HDAC4: variants seen among roughly 807,000 people sequenced by gnomAD.
The protein encoded by HDAC4 is histone deacetylase 4.
In HDAC4, 16 loss-of-function variants were observed where a neutral mutation model predicts 135.1. That is an observed-to-expected ratio of 0.12 (90% CI 0.08 to 0.18). The LOEUF (loss-of-function observed/expected upper bound fraction) is 0.18. Ranked by LOEUF, HDAC4 falls within the 10% of genes least tolerant of loss-of-function variation. The pLI is 1.00. For missense variants in HDAC4, 1,143 were observed against 1,511.8 expected (o/e 0.76, Z 4.05); for synonymous variants, 685 against 653.4 (o/e 1.05, Z -0.74).
At chr2:239,194,561 T>G (rs918414267) in intron 3 of HDAC4, among the ~76,000 whole-genome samples, 1 of 152,184 alleles carries the variant, frequency 6.6e-6, no homozygotes, top group Admixed American at 6.5e-5. Context: ...TTCCACCACC[T>G]GTGAAACAGC....
intron 3 of HDAC4, among the ~76,000 whole-genome samples, chr2:239,202,107 C>T (rs1244206005): frequency 2.0e-5 from 3 of 152,232 alleles, no homozygotes; most frequent in South Asian, 4.1e-4. Flanking sequence ...AGAAGGCGAG[C>T]GGGTGCTGCT....
At chr2:239,082,850 G>A (rs1455053798) in intron 20 of HDAC4, among the ~76,000 whole-genome samples, 8 of 152,234 alleles carry the variant, frequency 5.3e-5, no homozygotes, top group South Asian at 4.1e-4. Flanking sequence ...TTTACTGACC[G>A]TGGCTGTTCT....
intron 3 of HDAC4, among the ~76,000 whole-genome samples, chr2:239,223,828 G>A (rs1200453898): frequency 2.0e-5 from 3 of 151,440 alleles, no homozygotes; most frequent in African/African-American, 4.9e-5. Context: ...GGTAGAAGAT[G>A]CATGCCAGCA....
At chr2:239,124,933 C>A (rs918145146) in intron 12 of HDAC4, among the ~76,000 whole-genome samples, 1 of 80,058 alleles carries the variant, frequency 1.2e-5, no homozygotes, top group African/African-American at 3.9e-5. Flanking sequence ...CGTGTGGCTG[C>A]GTTATATGAC....
intron 1 of HDAC4, among the ~76,000 whole-genome samples, chr2:239,360,857 T>C (rs114525586): frequency 2.4e-3 from 367 of 152,142 alleles, no homozygotes; most frequent in Non-Finnish European, 3.6e-3. Flanking sequence ...TGGGTTGGAG[T>C]TCATCGGCAT....
At chr2:239,327,222 C>A (rs1191825596) in intron 2 of HDAC4, among the ~76,000 whole-genome samples, 1 of 152,246 alleles carries the variant, frequency 6.6e-6, no homozygotes, top group Non-Finnish European at 1.5e-5. Flanking sequence ...GGGAGCCTAG[C>A]CGTACCCACC....
At chr2:239,073,779 A>C (rs1207535614) in intron 22 of HDAC4, among the ~76,000 whole-genome samples, 1 of 151,914 alleles carries the variant, frequency 6.6e-6, no homozygotes, top group Non-Finnish European at 1.5e-5. Context: ...CAGGGCTGGG[A>C]GGGGAGAAAT....
At chr2:239,134,862 G>A (rs187688755) in intron 9 of HDAC4, among the ~76,000 whole-genome samples, 484 of 152,324 alleles carry the variant, frequency 3.2e-3, no homozygotes, top group Non-Finnish European at 5.9e-3. Context: ...CCCGATACGA[G>A]TTCTTCTTCT....
At chr2:239,332,884 C>T (rs1002415197) in intron 2 of HDAC4, among the ~76,000 whole-genome samples, 3 of 148,724 alleles carry the variant, frequency 2.0e-5, no homozygotes, top group African/African-American at 7.3e-5. Context: ...GGGGATGACA[C>T]TACAAATCCT....
chr2:239,383,772 G>A (rs903695472), intron 1 of HDAC4, among the ~76,000 whole-genome samples: 10 of 152,184 alleles, frequency 6.6e-5, no homozygotes, highest in African/African-American at 1.2e-4. Context: ...AACGATGGCC[G>A]GGGCAGGAAT....
rs768594353 is a variant in HDAC4, at chr2:239,066,839, C to T, written c.2886G>A (p.Thr962=). 63 of 1,613,440 alleles carry T rather than the reference C, an allele frequency of 3.9e-5. No homozygotes were observed. The highest frequency in any genetic ancestry group is 1.3e-4 in the Admixed American group (8 of 60,006). ...CGCCAGCCAGGCCCATCAGCTGCTT[C>T]GTCAGGTACCCGAAGCCTGCAACGG... ...NLSARCFGYL[T]KQLMGLAGGR... Residue 962 remains threonine (T), a synonymous_variant, in exon 24 of 27, where the codon ACG becomes ACA. Coordinates refer to ENST00000543185, the MANE Select transcript of HDAC4 (RefSeq NM_001378414.1).
In HDAC4 at chr2:239,068,709, A is replaced by ACC; in HGVS notation, c.2751-104_2751-103dup. The ACC allele has an allele frequency of 9.8e-7, 1 of 1,016,026 alleles. No homozygotes were observed. Among genetic ancestry groups the ACC allele is most frequent in the South Asian group, 1.3e-5 (1 of 78,470 alleles). The allele number at this position is 1,016,026 out of a possible 1,614,324, so 62.9% of individuals were successfully genotyped here. A position where few individuals can be genotyped will look rare whatever the true frequency, so the allele number is the denominator to read the frequency against. ...CTGGCATTGATAATGCCTGCCCCGC[A>ACC]CCCCCTCGGCCACTGGCGGGCTGAG... On this transcript the variant is annotated intron_variant, in intron 22 of 26. Coordinates refer to ENST00000543185, the MANE Select transcript of HDAC4 (RefSeq NM_001378414.1). The surrounding 1 kb of genome is among the most constrained non-coding windows in gnomAD (Gnocchi z 4.4).
At chr2:239,094,107 C>T in intron 17 of HDAC4, 4 of 985,426 alleles carry the variant, frequency 4.1e-6, no homozygotes, top group African/African-American at 1.7e-5. Context: ...TCGGCTGCAG[C>T]GGCTCCTGCT....
At chr2:239,082,759 CT>C (rs2035467815) in intron 20 of HDAC4, among the ~76,000 whole-genome samples, 1 of 152,260 alleles carries the variant, frequency 6.6e-6, no homozygotes, top group Non-Finnish European at 1.5e-5. Context: ...GTCCAGGCCC[CT>C]GTGCCCAAAT....
At chr2:239,193,762 C>T in intron 3 of HDAC4, among the ~76,000 whole-genome samples, 1 of 152,256 alleles carries the variant, frequency 6.6e-6, no homozygotes, top group East Asian at 1.9e-4. Flanking sequence ...AGGCTCTGCA[C>T]ACCCAAGGTT....
At chr2:239,070,997 AAAG>A (rs1476390946) in intron 22 of HDAC4, among the ~76,000 whole-genome samples, 1 of 151,946 alleles carries the variant, frequency 6.6e-6, no homozygotes, top group African/African-American at 2.4e-5. Context: ...TAAGATTAGG[AAAG>A]AAGAAGCAGC....
intron 2 of HDAC4, among the ~76,000 whole-genome samples, chr2:239,327,591 G>A (rs544630988): frequency 2.6e-5 from 4 of 152,310 alleles, no homozygotes; most frequent in South Asian, 2.1e-4. Flanking sequence ...AAAACAAGTC[G>A]AAACTGCAAT....
At chr2:239,187,555 A>G (rs1205830786) in intron 4 of HDAC4, among the ~76,000 whole-genome samples, 1 of 152,180 alleles carries the variant, frequency 6.6e-6, no homozygotes, top group Non-Finnish European at 1.5e-5. Flanking sequence ...AGCCAGCTTG[A>G]AAACTCTTCT....
At chr2:239,378,613 C>CG (rs1451216950) in intron 1 of HDAC4, among the ~76,000 whole-genome samples, 2 of 151,956 alleles carry the variant, frequency 1.3e-5, no homozygotes, top group Non-Finnish European at 2.9e-5. Context: ...GAAACGGCCC[C>CG]GGGAACCAAG....
Sources: allele counts gnomAD v4.1 joint callset (sites outside exome capture counted in the v4.1 genomes callset), GRCh38; gene constraint gnomAD v4.1.1; non-coding constraint Gnocchi (gnomAD v3.1); transcripts MANE v1.5; gene names NCBI Gene and HGNC (gene_info 2026-07-23, HGNC 2026-07-21).